Variants in TMEM128 observed in about 807,000 individuals in gnomAD.
The protein encoded by TMEM128 is transmembrane protein 128.
A neutral mutation model predicts 19.7 loss-of-function variants in TMEM128; 16 were observed. The ratio of observed to expected loss-of-function variants is 0.81; its 90% CI spans 0.55 to 1.23. TMEM128 has a LOEUF of 1.23. Ranked by LOEUF, TMEM128 falls within the 50% of genes most tolerant of loss-of-function variation. The pLI, the probability that TMEM128 is intolerant of heterozygous loss-of-function variation, is 0.00. For synonymous variants in TMEM128, 98 were observed against 75.8 expected, an observed-to-expected ratio of 1.29 and a Z score of -1.52; for missense variants, 237 against 200.8, an observed-to-expected ratio of 1.18 and a Z score of -1.09.
At chr4:4,245,101 C>T (rs1241823761) in intron 2 of TMEM128, among the ~76,000 whole-genome samples, 1 of 152,112 alleles carries the variant, frequency 6.6e-6, no homozygotes, top group Non-Finnish European at 1.5e-5. Flanking sequence ...CTTCCTACCC[C>T]CACTGGTACT....
At chr4:4,247,181 T>G (rs1718215658) in intron 1 of TMEM128, among the ~76,000 whole-genome samples, 1 of 152,210 alleles carries the variant, frequency 6.6e-6, no homozygotes. Flanking sequence ...TTTTCCTGTC[T>G]GGAACGCAAT....
At chr4:4,243,102 C>T (rs7681210) in intron 2 of TMEM128, among the ~76,000 whole-genome samples, 47,045 of 151,924 alleles carry the variant, frequency 0.31, 7,898 homozygotes, top group East Asian at 0.46. Context: ...TTTTTTAAGA[C>T]GGAGTCTCGC....
At chr4:4,242,525 T>A (rs1577196644) in intron 2 of TMEM128, among the ~76,000 whole-genome samples, 2 of 72,416 alleles carry the variant, frequency 2.8e-5, no homozygotes, top group African/African-American at 3.7e-5. Flanking sequence ...AAAAAAAAAT[T>A]TTTTTTTTTT....
chr4:4,244,255 C>T (rs1718078737), intron 2 of TMEM128, among the ~76,000 whole-genome samples: 1 of 152,116 alleles, frequency 6.6e-6, no homozygotes, highest in South Asian at 2.1e-4. Context: ...GTGGGAGGAT[C>T]ACTGGAGCCC....
At chr4:4,242,523 A>T (rs1483197679) in intron 2 of TMEM128, among the ~76,000 whole-genome samples, 3 of 148,882 alleles carry the variant, frequency 2.0e-5, no homozygotes. Flanking sequence ...GAAAAAAAAA[A>T]TTTTTTTTTT....
At chr4:4,238,107 T>C (rs1717799930) in intron 3 of TMEM128, among the ~76,000 whole-genome samples, 172 bp from the exon 4 acceptor site, 1 of 152,242 alleles carries the variant, frequency 6.6e-6, no homozygotes, top group South Asian at 2.1e-4. Flanking sequence ...AGGAAAACTC[T>C]AGATATACTT....
intron 2 of TMEM128, 38 bp downstream of exon 2, chr4:4,246,164 A>G: frequency 6.4e-7 from 1 of 1,570,940 alleles, no homozygotes. Context: ...GAAAAATCAG[A>G]CTTGGGTTTA....
Position 4,240,434 on chromosome 4 carries a change from A to G in TMEM128, c.285T>C (p.Ile95=). The part of the protein sequence containing the change: ...GSALLLVSLS[I]AFYCIVYLEW... ...CCAGGTAGACTATGCAGTAAAATGC[A>G]ATTGATAAACTGACAAGCAACAAGG... The change falls in exon 3 of 5, where the codon ATT becomes ATC. Residue 95 remains isoleucine, a synonymous_variant. Transcript: ENST00000382753. The G allele has an allele frequency of 6.2e-7, 1 of 1,613,962 alleles. No homozygotes were observed. Among genetic ancestry groups the G allele is most frequent in the Non-Finnish European group, 8.5e-7 (1 of 1,179,856 alleles).
chr4:4,245,781 T>C (rs1718143156), intron 2 of TMEM128, among the ~76,000 whole-genome samples: 1 of 151,988 alleles, frequency 6.6e-6, no homozygotes. Flanking sequence ...CATGAATATA[T>C]ACATATATAC....
At position 4,243,787 on chromosome 4, in the gene TMEM128, G is replaced by A. The variant is rs577198804; in HGVS notation, c.239+2415C>T. On this transcript the variant is annotated intron_variant, in intron 2 of 4. Transcript: ENST00000382753. Reference sequence around the variant, plus strand: ...CCCGGCTTTGCCACACAGCAGTTATGTGGTCCTGGGCACTCCACTTCACTG... The same window carrying A: ...CCCGGCTTTGCCACACAGCAGTTATATGGTCCTGGGCACTCCACTTCACTG... 9.3e-4 allele frequency among the ~76,000 whole-genome samples: 141 copies of A among 152,160 alleles called. 1 individual carries two copies. The highest frequency in any genetic ancestry group is 3.3e-3 in the African/African-American group (138 of 41,484).
intron 2 of TMEM128, among the ~76,000 whole-genome samples, chr4:4,245,953 T>C (rs1718152432): frequency 6.6e-6 from 1 of 152,198 alleles, no homozygotes; most frequent in South Asian, 2.1e-4. Context: ...ATTTCAAGTA[T>C]ACAATACAGC....
intron 1 of TMEM128, among the ~76,000 whole-genome samples, chr4:4,246,870 C>T (rs983366553): frequency 5.9e-5 from 9 of 152,046 alleles, no homozygotes; most frequent in Non-Finnish European, 1.2e-4. Context: ...GCCTCAGCCT[C>T]CCGAGTACCT....
rs147873373 is a variant in TMEM128 at position 4,246,439 on chromosome 4, AAC to A, written c.98-98_98-97del. ...ATAAAATCATTTCCTAGAGCTAAGA[AAC>A]AGTCTCTCCCATGATAACAAATCCT... is the stretch of plus-strand genomic sequence containing the variant. On this transcript the variant is annotated intron_variant, in intron 1 of 4. Transcript: ENST00000382753. 1.7e-3 allele frequency: 2,113 copies of A among 1,264,304 alleles called. 25 individuals carry two copies. The African/African-American group carries it at 0.029, about 17-fold the overall frequency. 78.3% of individuals were successfully genotyped at this position (1,264,304 alleles called of 1,614,324 possible).
In TMEM128 at chr4:4,236,264, A is replaced by G. The variant is rs1233765475; in HGVS notation, c.*10-8T>C. On this transcript the variant is annotated splice_polypyrimidine_tract_variant and splice_region_variant and intron_variant, in intron 4 of 4. Coordinates refer to ENST00000382753, the MANE Select transcript of TMEM128 (RefSeq NM_001297551.2). ...ACATAGAAGACCCTGTCTCTTAAAA[A>G]AAAAAAAAAAAAAAAGTGTATGTCC... The G allele has an allele frequency of 6.6e-6, 1 of 150,642 alleles. No homozygotes were observed. The highest frequency in any genetic ancestry group is 2.4e-5 in the African/African-American group (1 of 41,168). The allele number at this position is 150,642 out of a possible 1,614,324, so 9.3% of individuals were successfully genotyped here. A position where few individuals can be genotyped will look rare whatever the true frequency, so the allele number is the denominator to read the frequency against.
At chr4:4,240,035 G>C (rs1199078933) in intron 3 of TMEM128, among the ~76,000 whole-genome samples, 1 of 152,026 alleles carries the variant, frequency 6.6e-6, no homozygotes, top group Non-Finnish European at 1.5e-5. Context: ...ATTCATCTCA[G>C]TTTTTTTCAC....
Position 4,235,551 on chromosome 4 carries a change from A to C in TMEM128, c.*715T>G, listed in dbSNP as rs1717683511. The C allele has an allele frequency of 1.3e-5, 2 of 152,562 alleles. 1 individual carries two copies. Among genetic ancestry groups the C allele is most frequent in the South Asian group, 4.1e-4 (2 of 4,838 alleles). The allele number at this position is 152,562 out of a possible 1,614,324, so 9.5% of individuals were successfully genotyped here. On this transcript the variant is annotated 3_prime_UTR_variant, in exon 5 of 5. Transcript: ENST00000382753. ...GAACAAAACTCACAAGAAAGTTATA[A>C]AAATATTTTATTTAAATGATACAGA...
At chr4:4,247,709 C>T (rs1237162670) in intron 1 of TMEM128, 8 of 1,596,266 alleles carry the variant, frequency 5.0e-6, no homozygotes, top group African/African-American at 1.3e-5. Flanking sequence ...TACATATACC[C>T]AAATTTACTT....
At chr4:4,241,384 A>G (rs1264632277) in intron 2 of TMEM128, among the ~76,000 whole-genome samples, 1 of 152,204 alleles carries the variant, frequency 6.6e-6, no homozygotes, top group Non-Finnish European at 1.5e-5. Flanking sequence ...GACCTGATTC[A>G]GCAAGAGTGA....
chr4:4,242,049 T>C (rs56165857), intron 2 of TMEM128, among the ~76,000 whole-genome samples: 46,926 of 151,848 alleles, frequency 0.31, 7,846 homozygotes, highest in East Asian at 0.46. Flanking sequence ...TTACAGGCAC[T>C]GGCCACCACG....
Sources: allele counts gnomAD v4.1 joint callset (sites outside exome capture counted in the v4.1 genomes callset), GRCh38; gene constraint gnomAD v4.1.1; transcripts MANE v1.5; gene names NCBI Gene and HGNC (gene_info 2026-07-23, HGNC 2026-07-21).